Variants in SIX1 observed in about 807,000 individuals in gnomAD.
The protein encoded by SIX1 is homeobox protein SIX1.
Under a neutral mutation model 26.5 loss-of-function variants are expected in SIX1, and 11 were observed. That is an observed-to-expected ratio of 0.41 (90% CI 0.26 to 0.69). SIX1 has a LOEUF of 0.69. Ranked by LOEUF, SIX1 falls within the 30% of genes least tolerant of loss-of-function variation. The pLI, the probability that SIX1 is intolerant of heterozygous loss-of-function variation, is 0.28. For missense variants in SIX1, 333 were observed against 365.9 expected, an observed-to-expected ratio of 0.91 and a Z score of 0.73; for synonymous variants, 177 against 166.2, an observed-to-expected ratio of 1.06 and a Z score of -0.50.
Position 60,648,923 on chromosome 14 carries a change from C to T in SIX1, c.267G>A (p.Lys89=). 2 of 1,614,262 alleles carry T rather than the reference C, an allele frequency of 1.2e-6. No individual in the cohort carries two copies. The highest frequency in any genetic ancestry group is 1.7e-6 in the Non-Finnish European group (2 of 1,180,050). The change falls in exon 1 of 2, where the codon AAG becomes AAA. Residue 89 remains lysine, a synonymous_variant. Coordinates refer to ENST00000645694, the MANE Select transcript of SIX1 (RefSeq NM_005982.4). This position sits in a 1 kb window ranked among gnomAD's most constrained non-coding sequence, Gnocchi z 7.9. ...GCTTCTCGGCCTCCACGTAATGCGC[C>T]TTCAGCCACAGTTGCTGCAGTTTGG... ...NHPKLQQLWL[K]AHYVEAEKLR...
intron 1 of SIX1, among the ~76,000 whole-genome samples, chr14:60,646,840 G>A (rs1400187097): frequency 1.3e-5 from 2 of 152,096 alleles, no homozygotes; most frequent in African/African-American, 4.8e-5. Context: ...TTCTCTTCCA[G>A]ATTTCAGAAA....
Position 60,649,304 on chromosome 14 carries a change from G to C in SIX1, c.-115C>G. 3 of 929,294 alleles carry C rather than the reference G, an allele frequency of 3.2e-6. No homozygotes were observed. The highest frequency in any genetic ancestry group is 3.2e-4 in the Middle Eastern group (1 of 3,124). The allele number at this position is 929,294 out of a possible 1,614,324, so 57.6% of individuals were successfully genotyped here. ...GCGGCTGTTCCTAACCTCCTCCTTA[G>C]GCTTTGCAAAGGCGAAAACCGGAGT... On this transcript the variant is annotated 5_prime_UTR_variant, in exon 1 of 2. Transcript: ENST00000645694. The surrounding 1 kb of genome is among the most constrained non-coding windows in gnomAD (Gnocchi z 5.1).
In SIX1 at chr14:60,648,731, C is replaced by G; in HGVS notation, c.459G>C (p.Glu153Asp). 1 of 1,613,592 alleles carries G rather than the reference C, an allele frequency of 6.2e-7. No individual in the cohort carries two copies. Among genetic ancestry groups the G allele is most frequent in the Non-Finnish European group, 8.5e-7 (1 of 1,179,544 alleles). ...YAHNPYPSPR[E>D]KRELAEATGL... ...CGGTGGCCTCGGCCAGCTCCCGCTT[C>G]TCACGCGGCGATGGGTAGGGATTGT... Residue 153 changes from glutamate (E) to aspartate (D), a missense_variant, in exon 1 of 2, where the codon GAG becomes GAC. Around this residue, in one of 3 missense-constraint regions of SIX1, gnomAD observed 199 missense variants for 215.2 expected, o/e 0.92. Transcript: ENST00000645694. The surrounding 1 kb of genome is among the most constrained non-coding windows in gnomAD (Gnocchi z 7.9).
chr14:60,644,557 T>C lies in SIX1; in HGVS notation c.*1726A>G, dbSNP rs1894908337. The C allele has an allele frequency of 6.6e-6, 1 of 152,098 alleles. No homozygotes were observed. Among genetic ancestry groups the C allele is most frequent in the Admixed American group, 6.5e-5 (1 of 15,284 alleles). The allele number at this position is 152,098 out of a possible 1,614,324, so 9.4% of individuals were successfully genotyped here. On this transcript the variant is annotated 3_prime_UTR_variant, in exon 2 of 2. Coordinates refer to ENST00000645694, the MANE Select transcript of SIX1 (RefSeq NM_005982.4). ...TCAGTTTTCTAGACCAGAACAGAAA[T>C]AGGAAAGAGTAAGAAAGAAATAATA...
Position 60,646,245 on chromosome 14 carries a change from G to T in SIX1, c.*38C>A. On this transcript the variant is annotated 3_prime_UTR_variant, in exon 2 of 2. Coordinates refer to ENST00000645694, the MANE Select transcript of SIX1 (RefSeq NM_005982.4). ...GTCCCTAGTCGCTGCAGTGGTTGCTGCTCCAGGAATCCCTTCGAGGCCCCA... is the reference window on the plus strand; with the variant it reads ...GTCCCTAGTCGCTGCAGTGGTTGCTTCTCCAGGAATCCCTTCGAGGCCCCA... The T allele has an allele frequency of 1.2e-6, 2 of 1,600,094 alleles. No individual in the cohort carries two copies. Among genetic ancestry groups the T allele is most frequent in the Non-Finnish European group, 8.5e-7 (1 of 1,171,010 alleles).
In SIX1 at chr14:60,649,255, G is replaced by A. The variant is rs1283962949; in HGVS notation, c.-66C>T. Reference sequence around the variant, plus strand: ...CAGGGAGCAGAGCCGAGAGGCAGGGGGCGGCGGCCGCAGGGAGGGGGGCGC... The same window carrying A: ...CAGGGAGCAGAGCCGAGAGGCAGGGAGCGGCGGCCGCAGGGAGGGGGGCGC... On this transcript the variant is annotated 5_prime_UTR_variant, in exon 1 of 2. Transcript: ENST00000645694. This position sits in a 1 kb window ranked among gnomAD's most constrained non-coding sequence, Gnocchi z 5.1. 1 of 1,477,866 alleles carries A rather than the reference G, an allele frequency of 6.8e-7. No homozygotes were observed. The highest frequency in any genetic ancestry group is 9.2e-7 in the Non-Finnish European group (1 of 1,089,486). 91.5% of individuals were successfully genotyped at this position (1,477,866 alleles called of 1,614,324 possible).
Position 60,647,419 on chromosome 14 carries a change from C to T in SIX1, c.561-842G>A, listed in dbSNP as rs1393519208. Among the ~76,000 whole-genome samples, 1 of 152,194 alleles carries T rather than the reference C, an allele frequency of 6.6e-6. No individual in the cohort carries two copies. The highest frequency in any genetic ancestry group is 2.4e-5 in the African/African-American group (1 of 41,458). Reference sequence around the variant, plus strand: ...GCACAGGCTGCCAGCGGGCGCGGCGCGCTGGGGCGTCAGTCCGGGCACTCG... The same window carrying T: ...GCACAGGCTGCCAGCGGGCGCGGCGTGCTGGGGCGTCAGTCCGGGCACTCG... On this transcript the variant is annotated intron_variant, in intron 1 of 1. Transcript: ENST00000645694. The surrounding 1 kb of genome is among the most constrained non-coding windows in gnomAD (Gnocchi z 5.1).
rs1894901155 is a variant in SIX1 at position 60,644,071 on chromosome 14, G to A, written c.*2212C>T. The A allele has an allele frequency of 6.6e-6, 1 of 152,196 alleles. No individual in the cohort carries two copies. Among genetic ancestry groups the A allele is most frequent in the African/African-American group, 2.4e-5 (1 of 41,440 alleles). The allele number at this position is 152,196 out of a possible 1,614,324, so 9.4% of individuals were successfully genotyped here. A position where few individuals can be genotyped will look rare whatever the true frequency, so the allele number is the denominator to read the frequency against. On this transcript the variant is annotated 3_prime_UTR_variant, in exon 2 of 2. Coordinates refer to ENST00000645694, the MANE Select transcript of SIX1 (RefSeq NM_005982.4). ...TGGAGGGTAGTCACCGGAGTAGGAA[G>A]AGACGGCATGTAAGAAATTAAAGTA...
rs527420447 is a variant in SIX1, at chr14:60,645,814, T to C, written c.*469A>G. 1 of 152,778 alleles carries C rather than the reference T, an allele frequency of 6.5e-6. No individual in the cohort carries two copies. Among genetic ancestry groups the C allele is most frequent in the East Asian group, 1.9e-4 (1 of 5,204 alleles). 9.5% of individuals were successfully genotyped at this position (152,778 alleles called of 1,614,324 possible). A position where few individuals can be genotyped will look rare whatever the true frequency, so the allele number is the denominator to read the frequency against. ...TTCTTCTGAGCCTGGAGGCTCTTAT[T>C]TTCACTATTTTTATCTCCCTTTCTC... On this transcript the variant is annotated 3_prime_UTR_variant, in exon 2 of 2. Coordinates refer to ENST00000645694, the MANE Select transcript of SIX1 (RefSeq NM_005982.4). This position sits in a 1 kb window ranked among gnomAD's most constrained non-coding sequence, Gnocchi z 4.6.
In SIX1 at chr14:60,649,271, A is replaced by AG. The variant is rs937375427; in HGVS notation, c.-83dup. ...GAGGCAGGGGGCGGCGGCCGCAGGGAGGGGGGCGCGGCTGTTCCTAACCTC... is the reference window on the plus strand; with the variant it reads ...GAGGCAGGGGGCGGCGGCCGCAGGGAGGGGGGGCGCGGCTGTTCCTAACCTC... On this transcript the variant is annotated 5_prime_UTR_variant, in exon 1 of 2. Transcript: ENST00000645694. The surrounding 1 kb of genome is among the most constrained non-coding windows in gnomAD (Gnocchi z 5.1). The AG allele has an allele frequency of 1.3e-5, 17 of 1,312,884 alleles. No homozygotes were observed. The highest frequency in any genetic ancestry group is 2.3e-4 in the Middle Eastern group (1 of 4,282). 81.3% of individuals were successfully genotyped at this position (1,312,884 alleles called of 1,614,324 possible). A position where few individuals can be genotyped will look rare whatever the true frequency, so the allele number is the denominator to read the frequency against.
rs1044059147 is a variant in SIX1, at chr14:60,647,450, G to A, written c.561-873C>T. 6.6e-6 allele frequency among the ~76,000 whole-genome samples: 1 copy of A among 152,170 alleles called. No homozygotes were observed. Among genetic ancestry groups the A allele is most frequent in the Non-Finnish European group, 1.5e-5 (1 of 68,018 alleles). On this transcript the variant is annotated intron_variant, in intron 1 of 1. Coordinates refer to ENST00000645694, the MANE Select transcript of SIX1 (RefSeq NM_005982.4). This position sits in a 1 kb window ranked among gnomAD's most constrained non-coding sequence, Gnocchi z 5.1. ...GGCGTCAGTCCGGGCACTCGGTACC[G>A]GTTAACTTCAGGATTTCGCTTCCCT...
At chr14:60,646,677 A>G (rs2140239728) in intron 1 of SIX1, 100 bp from the exon 2 acceptor site, 1 of 1,052,764 alleles carries the variant, frequency 9.5e-7, no homozygotes. Flanking sequence ...AGCTGGAAGG[A>G]GGAAAGGGCC....
Position 60,649,260 on chromosome 14 carries a change from C to G in SIX1, c.-71G>C, listed in dbSNP as rs1895016279. 1 of 1,434,266 alleles carries G rather than the reference C, an allele frequency of 7.0e-7. No homozygotes were observed. The highest frequency in any genetic ancestry group is 1.4e-5 in the African/African-American group (1 of 71,420). The allele number at this position is 1,434,266 out of a possible 1,614,324, so 88.8% of individuals were successfully genotyped here. A position where few individuals can be genotyped will look rare whatever the true frequency, so the allele number is the denominator to read the frequency against. On this transcript the variant is annotated 5_prime_UTR_variant, in exon 1 of 2. Transcript: ENST00000645694. This position sits in a 1 kb window ranked among gnomAD's most constrained non-coding sequence, Gnocchi z 5.1. ...AGCAGAGCCGAGAGGCAGGGGGCGGCGGCCGCAGGGAGGGGGGCGCGGCTG... is the reference window on the plus strand; with the variant it reads ...AGCAGAGCCGAGAGGCAGGGGGCGGGGGCCGCAGGGAGGGGGGCGCGGCTG...
Position 60,649,401 on chromosome 14 carries a change from G to C in SIX1, c.-212C>G. On this transcript the variant is annotated 5_prime_UTR_variant, in exon 1 of 2. Coordinates refer to ENST00000645694, the MANE Select transcript of SIX1 (RefSeq NM_005982.4). This position sits in a 1 kb window ranked among gnomAD's most constrained non-coding sequence, Gnocchi z 5.1. ...GGGAGGTTCTGGACACGGAACGGCC[G>C]GCGCACTCAGTAGCCTTTAAGGCCT... 5.2e-6 allele frequency: 3 copies of C among 575,642 alleles called. No individual in the cohort carries two copies. Among genetic ancestry groups the C allele is most frequent in the Non-Finnish European group, 9.3e-6 (3 of 323,194 alleles). 35.7% of individuals were successfully genotyped at this position (575,642 alleles called of 1,614,324 possible).
chr14:60,649,387 G>A lies in SIX1; in HGVS notation c.-198C>T. On this transcript the variant is annotated 5_prime_UTR_variant, in exon 1 of 2. Transcript: ENST00000645694. This position sits in a 1 kb window ranked among gnomAD's most constrained non-coding sequence, Gnocchi z 5.1. ...AGGCGGAGGAGTAGGGGAGGTTCTGGACACGGAACGGCCGGCGCACTCAGT... is the reference window on the plus strand; with the variant it reads ...AGGCGGAGGAGTAGGGGAGGTTCTGAACACGGAACGGCCGGCGCACTCAGT... 1 of 585,414 alleles carries A rather than the reference G, an allele frequency of 1.7e-6. No homozygotes were observed. The highest frequency in any genetic ancestry group is 4.6e-4 in the Middle Eastern group (1 of 2,196). The allele number at this position is 585,414 out of a possible 1,614,324, so 36.3% of individuals were successfully genotyped here.
Position 60,648,513 on chromosome 14 carries a change from G to A in SIX1, c.560+117C>T. ...CGGAGGGCCTGCGCGCCGCCCCGTG[G>A]ACGGGCTCCGGCCGGCGGGGAGGAC... On this transcript the variant is annotated intron_variant, in intron 1 of 1. Transcript: ENST00000645694. This position sits in a 1 kb window ranked among gnomAD's most constrained non-coding sequence, Gnocchi z 7.9. 1 of 1,027,574 alleles carries A rather than the reference G, an allele frequency of 9.7e-7. No individual in the cohort carries two copies. The highest frequency in any genetic ancestry group is 2.9e-4 in the Middle Eastern group (1 of 3,414). 63.7% of individuals were successfully genotyped at this position (1,027,574 alleles called of 1,614,324 possible).
chr14:60,646,288 A>G lies in SIX1; in HGVS notation c.850T>C (p.Ser284Pro), dbSNP rs775655341. Reference protein sequence around the residue: ...PLTSSLVDLGS With the variant: ...PLTSSLVDLGP ...AGGCCCCAGTCCCTCCCCACTTAGG[A>G]CCCCAAGTCCACCAGACTGGAGGTG... Residue 284 changes from serine (S) to proline (P), a missense_variant, in exon 2 of 2, where the codon TCC (serine) becomes CCC (proline). Ser to Pro is a moderately conservative substitution (Grantham distance 74, BLOSUM62 -1). Around this residue, in one of 3 missense-constraint regions of SIX1, gnomAD observed 199 missense variants for 215.2 expected, o/e 0.92. Transcript: ENST00000645694. 6.2e-7 allele frequency: 1 copy of G among 1,611,844 alleles called. No homozygotes were observed. The highest frequency in any genetic ancestry group is 8.5e-7 in the Non-Finnish European group (1 of 1,179,016).
chr14:60,648,229 G>C lies in SIX1; in HGVS notation c.560+401C>G, dbSNP rs979433191. ...CACCCCTCTGGGGAGCAAGAGGAGA[G>C]AGGTTCGCGAACCTCAGCTCCCACC... On this transcript the variant is annotated intron_variant, in intron 1 of 1. Transcript: ENST00000645694. This position sits in a 1 kb window ranked among gnomAD's most constrained non-coding sequence, Gnocchi z 7.9. Among the ~76,000 whole-genome samples the C allele has an allele frequency of 1.3e-5, 2 of 152,154 alleles. No individual in the cohort carries two copies. The highest frequency in any genetic ancestry group is 4.8e-5 in the African/African-American group (2 of 41,428).
In SIX1 at chr14:60,646,290, C is replaced by A; in HGVS notation, c.848G>T (p.Gly283Val). Reference protein sequence around the residue: ...GPLTSSLVDLGS With the variant: ...GPLTSSLVDLVS ...GCCCCAGTCCCTCCCCACTTAGGAC[C>A]CCAAGTCCACCAGACTGGAGGTGAG... Residue 283 changes from glycine to valine, a missense_variant, in exon 2 of 2, where the codon GGG (glycine) becomes GTG (valine). By Grantham distance (109) the Gly-to-Val change is moderately radical. Transcript: ENST00000645694. 1 of 1,612,162 alleles carries A rather than the reference C, an allele frequency of 6.2e-7. No individual in the cohort carries two copies.
Sources: allele counts gnomAD v4.1 joint callset (sites outside exome capture counted in the v4.1 genomes callset), GRCh38; gene constraint gnomAD v4.1.1; regional missense constraint gnomAD v4.1.1; non-coding constraint Gnocchi (gnomAD v3.1); transcripts MANE v1.5; gene names NCBI Gene and HGNC (gene_info 2026-07-23, HGNC 2026-07-21).